SRI: variants seen among roughly 807,000 people sequenced by gnomAD.
SRI encodes sorcin.
In SRI, 30 loss-of-function variants were observed where a neutral mutation model predicts 33.3. That is an observed-to-expected ratio of 0.90 (90% CI 0.67 to 1.22). SRI has a LOEUF of 1.22. Among genes scored for constraint, SRI ranks in the 50% most tolerant of loss-of-function variants. The pLI is 0.00. For missense variants in SRI, 243 were observed against 250.8 expected, an observed-to-expected ratio of 0.97 and a Z score of 0.21; for synonymous variants, 75 against 89.9, an observed-to-expected ratio of 0.83 and a Z score of 0.94.
intron 2 of SRI, 176 bp downstream of exon 2, chr7:88,218,683 T>C: frequency 1.7e-6 from 1 of 585,782 alleles, no homozygotes. Context: ...CACTTTGTCC[T>C]CATTTATTCT....
chr7:88,222,066 A>G (rs1168160141), upstream of SRI, among the ~76,000 whole-genome samples: 2 of 124,456 alleles, frequency 1.6e-5, no homozygotes, highest in Non-Finnish European at 3.3e-5. Context: ...TATGTGCCAC[A>G]TTTTCTTAAT....
chr7:88,223,173 G>T (rs1341702255), upstream of SRI, among the ~76,000 whole-genome samples: 1 of 152,186 alleles, frequency 6.6e-6, no homozygotes, highest in Non-Finnish European at 1.5e-5. Context: ...AAATTGGTCA[G>T]CTGCTAATAC....
chr7:88,217,734 A>G (rs1851768300), intron 2 of SRI, among the ~76,000 whole-genome samples: 1 of 152,216 alleles, frequency 6.6e-6, no homozygotes, highest in Non-Finnish European at 1.5e-5. Context: ...ACTGGGTATT[A>G]TAAGTTATAA....
upstream of SRI, among the ~76,000 whole-genome samples, chr7:88,224,155 A>G (rs1851947808): frequency 6.6e-6 from 1 of 152,202 alleles, no homozygotes. Flanking sequence ...CACCCTTCCC[A>G]ATTAAAGCTG....
At chr7:88,220,126 CACGCGGGCGTGGGGG>C, upstream of SRI, 1 of 1,362,784 alleles carries the variant, frequency 7.3e-7, no homozygotes, top group Non-Finnish European at 9.4e-7. Flanking sequence ...CAGAGCGCAC[CACGCGGGCGTGGGGG>C]ACGCGCTCCG....
chr7:88,217,998 T>G (rs1480520639), intron 2 of SRI, among the ~76,000 whole-genome samples: 2 of 152,224 alleles, frequency 1.3e-5, no homozygotes, highest in Non-Finnish European at 2.9e-5. Flanking sequence ...TTTCTTAGAG[T>G]ACTACCTTAA....
intron 3 of SRI, among the ~76,000 whole-genome samples, chr7:88,214,380 G>C (rs1473567220): frequency 6.6e-6 from 1 of 152,178 alleles, no homozygotes; most frequent in Non-Finnish European, 1.5e-5. Flanking sequence ...CTTCTAAGCT[G>C]TTAGTAAAGA....
At position 88,218,962 on chromosome 7, in the gene SRI, T is replaced by C; in HGVS notation, c.52-20A>G. 1 of 1,606,526 alleles carries C rather than the reference T, an allele frequency of 6.2e-7. No homozygotes were observed. Among genetic ancestry groups the C allele is most frequent in the South Asian group, 1.1e-5 (1 of 90,928 alleles). ...TCCATACTGTGAAACAGGAAACACA[T>C]ACACGTCATTCTGCCGAATCAAGTT... On this transcript the variant is annotated intron_variant, in intron 1 of 7. Coordinates refer to ENST00000265729, the MANE Select transcript of SRI (RefSeq NM_003130.4).
At position 88,206,223 on chromosome 7, in the gene SRI, A is replaced by G; in HGVS notation, c.*255T>C. The G allele has an allele frequency of 3.8e-6, 2 of 532,016 alleles. No individual in the cohort carries two copies. Among genetic ancestry groups the G allele is most frequent in the Non-Finnish European group, 6.7e-6 (2 of 297,092 alleles). The allele number at this position is 532,016 out of a possible 1,614,324, so 33.0% of individuals were successfully genotyped here. On this transcript the variant is annotated 3_prime_UTR_variant, in exon 8 of 8. Coordinates refer to ENST00000265729, the MANE Select transcript of SRI (RefSeq NM_003130.4). The stretch of plus-strand genomic sequence containing the variant: ...ACTTAAATTTACATAGAGTTTTAGC[A>G]AGAAAATAAGGCATGACTGATAATG...
At chr7:88,220,224 A>G, upstream of SRI, 1 of 1,311,048 alleles carries the variant, frequency 7.6e-7, no homozygotes, top group Non-Finnish European at 9.7e-7. Flanking sequence ...TATCTTTGCC[A>G]TTACGGCGCT....
chr7:88,212,475 A>AT (rs772953085), intron 3 of SRI, among the ~76,000 whole-genome samples: 6 of 152,196 alleles, frequency 3.9e-5, no homozygotes, highest in South Asian at 2.1e-4. Context: ...AAAGATTCTG[A>AT]TACCTGGGCT....
At chr7:88,224,606 G>T (rs1851957718), upstream of SRI, among the ~76,000 whole-genome samples, 1 of 152,152 alleles carries the variant, frequency 6.6e-6, no homozygotes, top group African/African-American at 2.4e-5. Context: ...ACTTTCTTAA[G>T]ATTGTTGGGA....
In SRI at chr7:88,217,293, T is replaced by TAAAAAAAGA. The variant is rs1851752536; in HGVS notation, c.136-103_136-102insTCTTTTTTT. On this transcript the variant is annotated intron_variant, in intron 2 of 7. Transcript: ENST00000265729. ...AATAACAACAAAGAAAATCAGTATC[T>TAAAAAAAGA]TTTTTTTATTTAAAAGGAATGCCTT... The TAAAAAAAGA allele has an allele frequency of 3.1e-6, 3 of 962,116 alleles. No individual in the cohort carries two copies. The African/African-American group carries it at 5.0e-5, about 16-fold the overall frequency. The allele number at this position is 962,116 out of a possible 1,614,324, so 59.6% of individuals were successfully genotyped here.
rs1370653324 is a variant in SRI at position 88,217,302 on chromosome 7, TTTAAAAGGAATGCCTTTTTTTTA to T, written c.136-134_136-112del. On this transcript the variant is annotated intron_variant, in intron 2 of 7. Coordinates refer to ENST00000265729, the MANE Select transcript of SRI (RefSeq NM_003130.4). ...AAAGAAAATCAGTATCTTTTTTTTATTTAAAAGGAATGCCTTTTTTTTATTAAAAGGAATGCCTTCCAAAAGTG... is the reference window on the plus strand; with the variant it reads ...AAAGAAAATCAGTATCTTTTTTTTATTTAAAAGGAATGCCTTCCAAAAGTG... 12 of 936,226 alleles carry T rather than the reference TTTAAAAGGAATGCCTTTTTTTTA, an allele frequency of 1.3e-5. No homozygotes were observed. In the East Asian group the frequency reaches 1.8e-4, roughly 14 times the overall value. The allele number at this position is 936,226 out of a possible 1,614,324, so 58.0% of individuals were successfully genotyped here. A position where few individuals can be genotyped will look rare whatever the true frequency, so the allele number is the denominator to read the frequency against.
chr7:88,210,314 A>T (rs1180717778), intron 4 of SRI, 184 bp from the exon 5 acceptor site: 1 of 676,500 alleles, frequency 1.5e-6, no homozygotes, highest in Admixed American at 2.5e-5. Flanking sequence ...CTCAAGTGCC[A>T]ATTTTTACTG....
chr7:88,220,071 T>C (rs1378829435), upstream of SRI: 2 of 1,492,922 alleles, frequency 1.3e-6, no homozygotes, highest in Non-Finnish European at 1.8e-6. Flanking sequence ...GCGCCAGGCC[T>C]CTCCGCCCCC....
chr7:88,208,022 C>A (rs868163073), intron 7 of SRI: 1 of 152,148 alleles, frequency 6.6e-6, no homozygotes, highest in Admixed American at 6.6e-5. Flanking sequence ...TAAGTTGTTG[C>A]CTGCCTTATG....
At chr7:88,217,384 A>G (rs1408899218) in intron 2 of SRI, among the ~76,000 whole-genome samples, 193 bp from the exon 3 acceptor site, 1 of 152,208 alleles carries the variant, frequency 6.6e-6, no homozygotes, top group Admixed American at 6.5e-5. Flanking sequence ...TCCAAAAGTA[A>G]TTTAATGATG....
intron 7 of SRI, 78 bp from the exon 8 acceptor site, chr7:88,206,582 G>A (rs1851443263): frequency 4.5e-6 from 7 of 1,564,766 alleles, no homozygotes; most frequent in Non-Finnish European, 5.3e-6. Flanking sequence ...GCTTACATTT[G>A]GTTTTCTAAT....
Sources: allele counts gnomAD v4.1 joint callset (sites outside exome capture counted in the v4.1 genomes callset), GRCh38; gene constraint gnomAD v4.1.1; transcripts MANE v1.5; gene names NCBI Gene and HGNC (gene_info 2026-07-23, HGNC 2026-07-21).